CNTNAP5: variants seen among roughly 807,000 people sequenced by gnomAD.
CNTNAP5 encodes contactin associated protein family member 5.
Under a neutral mutation model 150.2 loss-of-function variants are expected in CNTNAP5, and 72 were observed. The ratio of observed to expected loss-of-function variants is 0.48; its 90% CI spans 0.40 to 0.58. The LOEUF (loss-of-function observed/expected upper bound fraction) is 0.58, where lower values mean the gene tolerates loss of function less well. CNTNAP5 is among the 20% of genes least tolerant of loss of function. The pLI is 0.00. For missense variants in CNTNAP5, 1,636 were observed against 1,626.2 expected (o/e 1.01, Z -0.10); for synonymous variants, 672 against 619.8 (o/e 1.08, Z -1.25).
chr2:124,645,613 G>A (rs550129533), intron 12 of CNTNAP5, among the ~76,000 whole-genome samples: 6 of 152,284 alleles, frequency 3.9e-5, no homozygotes, highest in Middle Eastern at 3.4e-3. Context: ...CTGGGGACAT[G>A]TGGGTTATCA....
intron 3 of CNTNAP5, among the ~76,000 whole-genome samples, chr2:124,307,922 C>A (rs867628815): frequency 1.3e-4 from 20 of 152,300 alleles, no homozygotes; most frequent in Middle Eastern, 3.4e-3. Flanking sequence ...CCTGCTGGAT[C>A]AGAACCTACA....
chr2:124,419,671 T>C (rs1470395627), intron 4 of CNTNAP5, among the ~76,000 whole-genome samples: 1 of 152,158 alleles, frequency 6.6e-6, no homozygotes, highest in African/African-American at 2.4e-5. Context: ...GTTAACAACC[T>C]TGGGGAGTTG....
chr2:124,839,709 G>T (rs1402110289), intron 19 of CNTNAP5, among the ~76,000 whole-genome samples: 1 of 152,028 alleles, frequency 6.6e-6, no homozygotes, highest in South Asian at 2.1e-4. Context: ...AAACACAGTG[G>T]GACAGAGTGA....
In CNTNAP5 at chr2:124,417,464, G is replaced by A; in HGVS notation, c.403G>A (p.Ala135Thr). ...GCAGACCTTTGCAGGAAACATGAAT[G>A]CTGACAGCGTGGTGCACCACAAGCT... ...SIWTFAGNMN[A>T]DSVVHHKLLH... Residue 135 changes from alanine (A) to threonine (T), a missense_variant, in exon 4 of 24, where the codon GCT becomes ACT. Coordinates refer to ENST00000682447, the MANE Select transcript of CNTNAP5 (RefSeq NM_001367498.1). 5.6e-6 allele frequency: 9 copies of A among 1,613,892 alleles called. No homozygotes were observed. The highest frequency in any genetic ancestry group is 2.2e-5 in the East Asian group (1 of 44,872).
chr2:124,349,889 T>TTTTTTTC lies in CNTNAP5; in HGVS notation c.382-67548_382-67547insCTTTTTT, dbSNP rs1223014550. On this transcript the variant is annotated intron_variant, in intron 3 of 23. Coordinates refer to ENST00000682447, the MANE Select transcript of CNTNAP5 (RefSeq NM_001367498.1). ...CTGGCTATTTCTTTTTTTTTTTTTT[T>TTTTTTTC]TTTTTTTTTTTTTGAGACAGAGTCT... Among the ~76,000 whole-genome samples the TTTTTTTC allele has an allele frequency of 6.2e-4, 83 of 134,396 alleles. 2 individuals carry two copies. The highest frequency in any genetic ancestry group is 1.1e-3 in the Non-Finnish European group (71 of 63,058). 88.2% of individuals were successfully genotyped at this position (134,396 alleles called of 152,430 possible).
chr2:124,071,789 TGAA>T (rs1322757266), intron 1 of CNTNAP5, among the ~76,000 whole-genome samples: 1 of 151,856 alleles, frequency 6.6e-6, no homozygotes, highest in East Asian at 1.9e-4. Context: ...ACCAAACATT[TGAA>T]GAAGAACTGA....
At chr2:124,464,466 T>C (rs1231193659) in intron 6 of CNTNAP5, among the ~76,000 whole-genome samples, 2 of 152,154 alleles carry the variant, frequency 1.3e-5, no homozygotes, top group Non-Finnish European at 2.9e-5. Context: ...TTGCCTCGAC[T>C]CATTATTTGG....
chr2:124,896,485 A>G lies in CNTNAP5; in HGVS notation c.3437-6397A>G, dbSNP rs369289940. ...AAGGGGAGGACAGACAAAATGGCAAAGCAAAGGCAGCCTAATAGAATTAAG... is the reference window on the plus strand; with the variant it reads ...AAGGGGAGGACAGACAAAATGGCAAGGCAAAGGCAGCCTAATAGAATTAAG... On this transcript the variant is annotated intron_variant, in intron 21 of 23. Transcript: ENST00000682447. 5.3e-5 allele frequency among the ~76,000 whole-genome samples: 8 copies of G among 151,678 alleles called. No individual in the cohort carries two copies. In the South Asian group the frequency reaches 1.2e-3, roughly 24 times the overall value.
intron 3 of CNTNAP5, among the ~76,000 whole-genome samples, chr2:124,291,516 A>C (rs948947727): frequency 3.3e-5 from 5 of 152,048 alleles, no homozygotes; most frequent in African/African-American, 1.2e-4. Flanking sequence ...TACACCAGAG[A>C]GAGCCACATT....
intron 3 of CNTNAP5, among the ~76,000 whole-genome samples, chr2:124,285,163 G>T (rs1688116289): frequency 6.6e-6 from 1 of 152,134 alleles, no homozygotes; most frequent in Non-Finnish European, 1.5e-5. Context: ...TAAGATCCCA[G>T]ATAGCGTTCT....
intron 21 of CNTNAP5, among the ~76,000 whole-genome samples, chr2:124,902,012 C>A (rs1027020784): frequency 9.9e-5 from 15 of 152,010 alleles, no homozygotes; most frequent in Admixed American, 9.8e-4. Flanking sequence ...AAAACAAACA[C>A]ATTATCTTAA....
At chr2:124,231,559 T>A in intron 2 of CNTNAP5, among the ~76,000 whole-genome samples, 1 of 152,160 alleles carries the variant, frequency 6.6e-6, no homozygotes, top group Admixed American at 6.5e-5. Flanking sequence ...TCCCTTAGGG[T>A]TCTCAGTATT....
At chr2:124,365,154 A>G (rs1205843298) in intron 3 of CNTNAP5, among the ~76,000 whole-genome samples, 1 of 152,068 alleles carries the variant, frequency 6.6e-6, no homozygotes, top group Non-Finnish European at 1.5e-5. Flanking sequence ...CTACAAAAAT[A>G]AAATGAAATA....
rs555837848 is a variant in CNTNAP5 at position 124,854,452 on chromosome 2, C to A, written c.3218-10854C>A. 2.6e-5 allele frequency among the ~76,000 whole-genome samples: 4 copies of A among 152,080 alleles called. No individual in the cohort carries two copies. The South Asian group carries it at 8.3e-4, about 32-fold the overall frequency. ...TTAATGAAAAACCTATCTTTAGTAC[C>A]AGGTTAGGTGCCTAATACAGAGTAG... On this transcript the variant is annotated intron_variant, in intron 19 of 23. Transcript: ENST00000682447.
chr2:124,281,025 T>G (rs1044223161), intron 3 of CNTNAP5, among the ~76,000 whole-genome samples: 2 of 152,110 alleles, frequency 1.3e-5, no homozygotes, highest in African/African-American at 4.8e-5. Context: ...AAACCAAAAA[T>G]TTTGTCCTAA....
chr2:124,615,366 T>C (rs1347077730), intron 12 of CNTNAP5, among the ~76,000 whole-genome samples: 1 of 152,234 alleles, frequency 6.6e-6, no homozygotes, highest in East Asian at 1.9e-4. Context: ...AAACCTTTTG[T>C]TGTCATTTTA....
In CNTNAP5 at chr2:124,292,943, A is replaced by G. The variant is rs114792565; in HGVS notation, c.381+50550A>G. Among the ~76,000 whole-genome samples the G allele has an allele frequency of 2.2e-3, 340 of 152,202 alleles. 1 individual carries two copies. The highest frequency in any genetic ancestry group is 7.9e-3 in the African/African-American group (329 of 41,560). On this transcript the variant is annotated intron_variant, in intron 3 of 23. Transcript: ENST00000682447. ...TTTTCTATAAAAATTACCATATTGA[A>G]AGATATGTTTTTCAGAAAAATGCAA...
At chr2:124,295,136 A>G (rs1688389054) in intron 3 of CNTNAP5, among the ~76,000 whole-genome samples, 1 of 151,524 alleles carries the variant, frequency 6.6e-6, no homozygotes, top group Non-Finnish European at 1.5e-5. Context: ...CACCAAACAA[A>G]CAAACAAACA....
chr2:124,810,968 A>G (rs114725176), intron 19 of CNTNAP5, among the ~76,000 whole-genome samples: 1,624 of 152,232 alleles, frequency 0.011, 32 homozygotes, highest in African/African-American at 0.038. Context: ...AAGTTGAGGA[A>G]ACCAAATCTA....
Sources: allele counts gnomAD v4.1 joint callset (sites outside exome capture counted in the v4.1 genomes callset), GRCh38; gene constraint gnomAD v4.1.1; transcripts MANE v1.5; gene names NCBI Gene and HGNC (gene_info 2026-07-23, HGNC 2026-07-21).